Variants in DAB2 observed in about 807,000 individuals in gnomAD.
DAB2 encodes DAB adaptor protein 2.
DAB2 carries 28 observed loss-of-function variants against 71.6 expected under a neutral mutation model. The ratio of observed to expected loss-of-function variants is 0.39; its 90% CI spans 0.29 to 0.54. The LOEUF is 0.54. Ranked by LOEUF, DAB2 falls within the 20% of genes least tolerant of loss-of-function variation. The pLI, the probability that DAB2 is intolerant of heterozygous loss-of-function variation, is 0.68. For synonymous variants in DAB2, 345 were observed against 339.7 expected, an observed-to-expected ratio of 1.02 and a Z score of -0.17; for missense variants, 867 against 928.8, an observed-to-expected ratio of 0.93 and a Z score of 0.86.
At chr5:39,392,615 C>T (rs964006783) in intron 3 of DAB2, 152 bp from the exon 4 acceptor site, 9 of 627,634 alleles carry the variant, frequency 1.4e-5, no homozygotes, top group African/African-American at 7.4e-5. Context: ...GACAGCAAGA[C>T]GGCATAGAAG....
chr5:39,404,460 T>TAAAA (rs574569850), intron 1 of DAB2, among the ~76,000 whole-genome samples: 22 of 127,242 alleles, frequency 1.7e-4, no homozygotes, highest in African/African-American at 2.3e-4. Flanking sequence ...TATTATTATC[T>TAAAA]AAAAAAAAAA....
At chr5:39,388,925 C>G in intron 7 of DAB2, 73 bp from the exon 8 acceptor site, 1 of 1,386,796 alleles carries the variant, frequency 7.2e-7, no homozygotes, top group African/African-American at 1.4e-5. Flanking sequence ...CTCTATTAGT[C>G]TGCTAAGCAG....
At chr5:39,410,304 G>A (rs902990318) in intron 1 of DAB2, among the ~76,000 whole-genome samples, 5 of 152,082 alleles carry the variant, frequency 3.3e-5, no homozygotes, top group African/African-American at 4.8e-5. Context: ...TTTGAGGATC[G>A]TAGAAAAATC....
At chr5:39,381,314 A>G in intron 11 of DAB2, 140 bp downstream of exon 11, 2 of 782,974 alleles carry the variant, frequency 2.6e-6, no homozygotes, top group South Asian at 1.9e-5. Flanking sequence ...GTTGTATAGT[A>G]GAAGTGGGAG....
intron 1 of DAB2, among the ~76,000 whole-genome samples, chr5:39,412,411 A>G (rs975778570): frequency 6.6e-6 from 1 of 152,148 alleles, no homozygotes; most frequent in Non-Finnish European, 1.5e-5. Context: ...CAGCAAGTTA[A>G]TTCATGTAAT....
chr5:39,393,310 C>T lies in DAB2; in HGVS notation c.175G>A (p.Asp59Asn). The change falls in exon 3 of 15, where the codon GAT (aspartate) becomes AAT (asparagine). Residue 59 changes from aspartate (D) to asparagine (N), a missense_variant. By Grantham distance (23) the Asp-to-Asn change is conservative (BLOSUM62 1). Coordinates refer to ENST00000320816, the MANE Select transcript of DAB2 (RefSeq NM_001343.4). Reference sequence around the variant, plus strand: ...TTATCCCCTCTTGCATCTGGCACATCATCAATGCCAATCAGCTTGGCCTTA... The same window carrying T: ...TTATCCCCTCTTGCATCTGGCACATTATCAATGCCAATCAGCTTGGCCTTA... ...KYKAKLIGID[D>N]VPDARGDKMS... 1.9e-6 allele frequency: 3 copies of T among 1,613,926 alleles called. No individual in the cohort carries two copies. Among genetic ancestry groups the T allele is most frequent in the Non-Finnish European group, 1.7e-6 (2 of 1,179,842 alleles).
chr5:39,390,992 T>A (rs1280081999), intron 4 of DAB2, among the ~76,000 whole-genome samples: 1 of 152,200 alleles, frequency 6.6e-6, no homozygotes, highest in African/African-American at 2.4e-5. Flanking sequence ...AGGGATTCAT[T>A]GACGATGGCT....
In DAB2 at chr5:39,376,783, C is replaced by T. The variant is rs142209579; in HGVS notation, c.2004G>A (p.Ala668=). The change falls in exon 12 of 15, where the codon GCG becomes GCA. Residue 668 remains alanine, a synonymous_variant. Transcript: ENST00000320816. The part of the protein sequence containing the change: ...FQLRQPPAVP[A]RKGEQTSSGT... ...CAGAAGAAGTCTGCTCTCCCTTCCG[C>T]GCGGGCACAGCAGGTGGCTGCCGCA... The T allele has an allele frequency of 4.5e-5, 73 of 1,614,110 alleles. No individual in the cohort carries two copies. Among genetic ancestry groups the T allele is most frequent in the African/African-American group, 3.7e-4 (28 of 75,030 alleles).
chr5:39,381,349 C>A (rs1306821173), intron 11 of DAB2, 105 bp downstream of exon 11: 2 of 1,196,512 alleles, frequency 1.7e-6, no homozygotes, highest in Non-Finnish European at 1.2e-6. Context: ...ATGCTCAAAT[C>A]TTATGCTGTA....
At position 39,372,937 on chromosome 5, in the gene DAB2, C is replaced by A. The variant is rs1343374324; in HGVS notation, c.*494G>T. 1 of 152,128 alleles carries A rather than the reference C, an allele frequency of 6.6e-6. No homozygotes were observed. Among genetic ancestry groups the A allele is most frequent in the Non-Finnish European group, 1.5e-5 (1 of 68,030 alleles). 9.4% of individuals were successfully genotyped at this position (152,128 alleles called of 1,614,324 possible). ...ATTTTACTTTAGAAATTCTCTGTAA[C>A]TGATGGTCTGAAGCAAGATTTCTTT... On this transcript the variant is annotated 3_prime_UTR_variant, in exon 15 of 15. Coordinates refer to ENST00000320816, the MANE Select transcript of DAB2 (RefSeq NM_001343.4).
At chr5:39,389,806 C>T (rs1245661112) in intron 6 of DAB2, 46 bp downstream of exon 6, 15 of 1,157,474 alleles carry the variant, frequency 1.3e-5, no homozygotes, top group Non-Finnish European at 1.8e-5. Context: ...GCCACCATGC[C>T]CAGCCAGTTT....
At position 39,372,126 on chromosome 5, in the gene DAB2, A is replaced by T. The variant is rs1754713738; in HGVS notation, c.*1305T>A. 1 of 152,164 alleles carries T rather than the reference A, an allele frequency of 6.6e-6. No individual in the cohort carries two copies. The highest frequency in any genetic ancestry group is 1.5e-5 in the Non-Finnish European group (1 of 68,048). The allele number at this position is 152,164 out of a possible 1,614,324, so 9.4% of individuals were successfully genotyped here. A position where few individuals can be genotyped will look rare whatever the true frequency, so the allele number is the denominator to read the frequency against. ...ACAACATTAAAAACCCAACATAAACAAAACAAAACAAAACTTATTTTGACA... is the reference window on the plus strand; with the variant it reads ...ACAACATTAAAAACCCAACATAAACTAAACAAAACAAAACTTATTTTGACA... On this transcript the variant is annotated 3_prime_UTR_variant, in exon 15 of 15. Coordinates refer to ENST00000320816, the MANE Select transcript of DAB2 (RefSeq NM_001343.4).
intron 1 of DAB2, among the ~76,000 whole-genome samples, chr5:39,415,080 A>G (rs545479480): frequency 1.3e-5 from 2 of 152,308 alleles, no homozygotes; most frequent in South Asian, 2.1e-4. Flanking sequence ...TAAAAGGAAG[A>G]AAAAGTAGTA....
At chr5:39,387,154 T>C (rs1755114135) in intron 9 of DAB2, among the ~76,000 whole-genome samples, 1 of 152,208 alleles carries the variant, frequency 6.6e-6, no homozygotes, top group South Asian at 2.1e-4. Context: ...CTGAAAGTTT[T>C]ATGCAGTAAG....
chr5:39,413,473 T>C (rs1329111627), intron 1 of DAB2, among the ~76,000 whole-genome samples: 1 of 152,114 alleles, frequency 6.6e-6, no homozygotes, highest in Non-Finnish European at 1.5e-5. Context: ...TAGAAATGTA[T>C]ATGAAGTGGA....
chr5:39,382,480 C>G (rs1755000758), intron 10 of DAB2, 138 bp downstream of exon 10: 1 of 926,312 alleles, frequency 1.1e-6, no homozygotes, highest in South Asian at 1.8e-5. Context: ...TCCTGGAGAA[C>G]CAAAGTGCCT....
intron 13 of DAB2, 34 bp from the exon 14 acceptor site, chr5:39,375,118 A>C (rs1333584353): frequency 1.3e-6 from 2 of 1,493,726 alleles, no homozygotes; most frequent in Admixed American, 1.9e-5. Context: ...CAATAAATAC[A>C]GTTACAGTCA....
At chr5:39,390,864 A>G (rs550778145) in intron 4 of DAB2, among the ~76,000 whole-genome samples, 2 of 152,294 alleles carry the variant, frequency 1.3e-5, no homozygotes, top group East Asian at 3.9e-4. Flanking sequence ...AGGACTGAGG[A>G]TTAGAAGACC....
Position 39,383,094 on chromosome 5 carries a change from T to C in DAB2, c.865A>G (p.Thr289Ala). The C allele has an allele frequency of 6.2e-7, 1 of 1,613,538 alleles. No individual in the cohort carries two copies. The highest frequency in any genetic ancestry group is 8.5e-7 in the Non-Finnish European group (1 of 1,179,904). ...AFSANLNFFP[T>A]PNPDPFRDDP... ...TCACGGAAAGGATCAGGATTAGGGGTGGGAAAGAAGTTGAGATTGGCAGAA... is the reference window on the plus strand; with the variant it reads ...TCACGGAAAGGATCAGGATTAGGGGCGGGAAAGAAGTTGAGATTGGCAGAA... The change falls in exon 10 of 15, where the codon ACC becomes GCC. Residue 289 changes from threonine to alanine, a missense_variant. Around this residue, in one of 2 missense-constraint regions of DAB2, gnomAD observed 740 missense variants for 734.3 expected, o/e 1.01. Coordinates refer to ENST00000320816, the MANE Select transcript of DAB2 (RefSeq NM_001343.4).
Sources: allele counts gnomAD v4.1 joint callset (sites outside exome capture counted in the v4.1 genomes callset), GRCh38; gene constraint gnomAD v4.1.1; regional missense constraint gnomAD v4.1.1; transcripts MANE v1.5; gene names NCBI Gene and HGNC (gene_info 2026-07-23, HGNC 2026-07-21).